SEMA7A: variants seen among roughly 807,000 people sequenced by gnomAD.
SEMA7A encodes semaphorin-7A.
Under a neutral mutation model 67.5 loss-of-function variants are expected in SEMA7A, and 21 were observed. The ratio of observed to expected loss-of-function variants is 0.31; its 90% CI spans 0.22 to 0.45. SEMA7A has a LOEUF of 0.45. Ranked by LOEUF, SEMA7A falls within the 20% of genes least tolerant of loss-of-function variation. SEMA7A has a pLI of 1.00. For missense variants in SEMA7A, 774 were observed against 908.6 expected, an observed-to-expected ratio of 0.85 and a Z score of 1.90; for synonymous variants, 364 against 368.5, an observed-to-expected ratio of 0.99 and a Z score of 0.14.
Position 74,417,111 on chromosome 15 carries a change from CTGTT to C in SEMA7A, c.661+220_661+223del, listed in dbSNP as rs140907373. 4.6e-4 allele frequency among the ~76,000 whole-genome samples: 70 copies of C among 152,238 alleles called. 1 individual carries two copies. The East Asian group carries it at 0.011, about 24-fold the overall frequency. On this transcript the variant is annotated intron_variant, in intron 6 of 13. Transcript: ENST00000261918. ...CCCTGCACTGGGTCTGGGGCTCCCT[CTGTT>C]TGTGTTCCTGAAGAGGGCTGGGCCC...
At chr15:74,415,066 G>A in intron 8 of SEMA7A, 120 bp from the exon 9 acceptor site, 1 of 767,082 alleles carries the variant, frequency 1.3e-6, no homozygotes, top group South Asian at 1.5e-5. Flanking sequence ...AATGGGGAGG[G>A]ATGGAGAGGA....
chr15:74,421,446 G>A (rs2060999243), intron 1 of SEMA7A, among the ~76,000 whole-genome samples: 1 of 152,176 alleles, frequency 6.6e-6, no homozygotes, highest in African/African-American at 2.4e-5. Context: ...AGCCACAATG[G>A]CTAGGGTGGA....
chr15:74,432,270 T>C (rs2061094914), intron 1 of SEMA7A, among the ~76,000 whole-genome samples: 1 of 152,106 alleles, frequency 6.6e-6, no homozygotes, highest in African/African-American at 2.4e-5. Flanking sequence ...GCAAAGCTGC[T>C]GGGAGGGCAA....
chr15:74,430,113 C>G (rs1250078291), intron 1 of SEMA7A, among the ~76,000 whole-genome samples: 1 of 152,134 alleles, frequency 6.6e-6, no homozygotes, highest in Non-Finnish European at 1.5e-5. Flanking sequence ...ATCCCCAAGA[C>G]CAGCACAAGG....
In SEMA7A at chr15:74,417,861, G is replaced by C. The variant is rs1435858926; in HGVS notation, c.465+16C>G. ...GAAGGTGAGCTGATCAGGCACATGG[G>C]GAGCAGCCTTCTCACCAGGTTCCAG... On this transcript the variant is annotated intron_variant, in intron 4 of 13. Coordinates refer to ENST00000261918, the MANE Select transcript of SEMA7A (RefSeq NM_003612.5). The C allele has an allele frequency of 1.9e-6, 3 of 1,612,304 alleles. No homozygotes were observed. Among genetic ancestry groups the C allele is most frequent in the Admixed American group, 1.7e-5 (1 of 60,010 alleles).
intron 1 of SEMA7A, 37 bp from the exon 2 acceptor site, chr15:74,418,989 G>A (rs768297922): frequency 1.2e-6 from 2 of 1,601,188 alleles, no homozygotes; most frequent in Non-Finnish European, 1.7e-6. Context: ...ATTGAAGCCA[G>A]GTCCCGAGAG....
At position 74,410,897 on chromosome 15, in the gene SEMA7A, T is replaced by C; in HGVS notation, c.1728A>G (p.Ser576=). 8.7e-6 allele frequency: 14 copies of C among 1,614,030 alleles called. No individual in the cohort carries two copies. The highest frequency in any genetic ancestry group is 1.2e-5 in the Non-Finnish European group (14 of 1,179,932). Residue 576 remains serine (S), a synonymous_variant, in exon 14 of 14, where the codon TCA becomes TCG. Transcript: ENST00000261918. This position sits in a 1 kb window ranked among gnomAD's most constrained non-coding sequence, Gnocchi z 7.5. ...GCTCCACGTTCTCCTTGTGGCGCCA[T>C]GAGTAGGTGGCGTGGCGGGATTCCA... ...CPMESRHATY[S]WRHKENVEQS... is the part of the protein sequence containing the mutation.
intron 1 of SEMA7A, chr15:74,427,410 TC>T: frequency 1.0e-6 from 1 of 985,166 alleles, no homozygotes; most frequent in Non-Finnish European, 1.2e-6. Flanking sequence ...ACAGTGACCT[TC>T]CTTCCTCGAC....
At chr15:74,433,600 ACG>A in intron 1 of SEMA7A, 139 bp downstream of exon 1, 1 of 1,265,456 alleles carries the variant, frequency 7.9e-7, no homozygotes, top group South Asian at 2.7e-5. Flanking sequence ...CCAAACCCAC[ACG>A]CTCCACGCGG....
At chr15:74,433,481 C>T (rs12910841) in intron 1 of SEMA7A, 457,227 of 1,034,912 alleles carry the variant, frequency 0.44, 110,681 homozygotes, top group Non-Finnish European at 0.5. Flanking sequence ...CGGCTCCTGG[C>T]TGCCAGGGAC....
intron 1 of SEMA7A, among the ~76,000 whole-genome samples, chr15:74,431,880 C>T (rs533477682): frequency 6.6e-6 from 1 of 152,182 alleles, no homozygotes; most frequent in South Asian, 2.1e-4. Context: ...CCCCAGCCAG[C>T]GGGGCTCAAC....
At position 74,410,861 on chromosome 15, in the gene SEMA7A, T is replaced by C. The variant is rs994756609; in HGVS notation, c.1764A>G (p.Glu588=). 9.3e-6 allele frequency: 15 copies of C among 1,614,202 alleles called. No individual in the cohort carries two copies. Among genetic ancestry groups the C allele is most frequent in the Non-Finnish European group, 1.3e-5 (15 of 1,180,036 alleles). ...RHKENVEQSC[E]PGHQSPNCIL... ...TGCAGTTGGGGCTCTGGTGACCAGG[T>C]TCGCAGCTCTGCTCCACGTTCTCCT... The change falls in exon 14 of 14, where the codon GAA becomes GAG. Residue 588 remains glutamate (E), a synonymous_variant. Coordinates refer to ENST00000261918, the MANE Select transcript of SEMA7A (RefSeq NM_003612.5). The surrounding 1 kb of genome is among the most constrained non-coding windows in gnomAD (Gnocchi z 7.5).
rs772456485 is a variant in SEMA7A at position 74,411,010 on chromosome 15, C to G, written c.1640-25G>C. ...TCTGGGGAGGCAGTGGGGAAGCAGC[C>G]GTGAGGAGGGACAAAGAGCTCCCAG... On this transcript the variant is annotated intron_variant, in intron 13 of 13. Coordinates refer to ENST00000261918, the MANE Select transcript of SEMA7A (RefSeq NM_003612.5). This position sits in a 1 kb window ranked among gnomAD's most constrained non-coding sequence, Gnocchi z 4.4. The G allele has an allele frequency of 6.3e-7, 1 of 1,598,838 alleles. No homozygotes were observed. Among genetic ancestry groups the G allele is most frequent in the Non-Finnish European group, 8.5e-7 (1 of 1,172,352 alleles).
intron 10 of SEMA7A, among the ~76,000 whole-genome samples, chr15:74,413,772 G>A (rs1047230281): frequency 1.3e-5 from 2 of 152,182 alleles, no homozygotes; most frequent in Admixed American, 6.5e-5. Context: ...ACAGTTCCAA[G>A]GTGAAGCAGC....
At chr15:74,422,012 G>A (rs1387890819) in intron 1 of SEMA7A, among the ~76,000 whole-genome samples, 1 of 152,194 alleles carries the variant, frequency 6.6e-6, no homozygotes, top group Non-Finnish European at 1.5e-5. Flanking sequence ...CCAGGCAGAG[G>A]ACGCAACCTG....
intron 7 of SEMA7A, among the ~76,000 whole-genome samples, 180 bp from the exon 8 acceptor site, chr15:74,416,165 G>A (rs1353061606): frequency 6.6e-6 from 1 of 152,144 alleles, no homozygotes. Flanking sequence ...TGAGACTCCA[G>A]CAAGCAGGCC....
chr15:74,421,383 C>G (rs1285196871), intron 1 of SEMA7A, among the ~76,000 whole-genome samples: 1 of 152,164 alleles, frequency 6.6e-6, no homozygotes, highest in Non-Finnish European at 1.5e-5. Context: ...GCACTAGGGC[C>G]CGGACAATCC....
intron 1 of SEMA7A, among the ~76,000 whole-genome samples, chr15:74,426,320 T>C (rs1181479211): frequency 1.3e-5 from 2 of 151,896 alleles, no homozygotes; most frequent in African/African-American, 4.8e-5. Context: ...AAAACTTGTT[T>C]TAATAACACC....
At chr15:74,432,772 A>G (rs2061099806) in intron 1 of SEMA7A, among the ~76,000 whole-genome samples, 1 of 152,146 alleles carries the variant, frequency 6.6e-6, no homozygotes, top group Admixed American at 6.5e-5. Flanking sequence ...AGACACGCCA[A>G]ATTTGGGGAC....
Sources: gnomAD v4.1 joint callset for allele counts (sites outside exome capture counted in the v4.1 genomes callset) on GRCh38, gnomAD v4.1.1 for gene constraint, Gnocchi (gnomAD v3.1) non-coding constraint, MANE v1.5 for transcripts, NCBI Gene and HGNC (gene_info 2026-07-23, HGNC 2026-07-21) for gene names.